Variants in SLCO1B1 observed in about 807,000 individuals in gnomAD.
SLCO1B1 encodes the protein OATP-2.
In SLCO1B1, 81 loss-of-function variants were observed where a neutral mutation model predicts 70.1. The observed-to-expected ratio is 1.16, with a 90% CI of 0.97 to 1.39. The LOEUF (loss-of-function observed/expected upper bound fraction) is 1.39, where lower values mean the gene tolerates loss of function less well. Ranked by LOEUF, SLCO1B1 falls within the 40% of genes most tolerant of loss-of-function variation. The pLI, the probability that SLCO1B1 is intolerant of heterozygous loss-of-function variation, is 0.00. For missense variants in SLCO1B1, 895 were observed against 799.6 expected (o/e 1.12, Z -1.44); for synonymous variants, 283 against 271.5 (o/e 1.04, Z -0.42).
At chr12:21,180,793 C>T (rs577393594) in intron 7 of SLCO1B1, among the ~76,000 whole-genome samples, 6 of 152,188 alleles carry the variant, frequency 3.9e-5, no homozygotes, top group Admixed American at 6.5e-5. Flanking sequence ...TGCTTTATCA[C>T]GAAGAGTACA....
chr12:21,229,883 C>T (rs1490072590), intron 14 of SLCO1B1, among the ~76,000 whole-genome samples: 4 of 152,040 alleles, frequency 2.6e-5, no homozygotes, highest in Admixed American at 6.6e-5. Context: ...ACATTAATTA[C>T]GACTCCCAGT....
intron 7 of SLCO1B1, among the ~76,000 whole-genome samples, chr12:21,191,981 G>A (rs939291246): frequency 2.0e-5 from 3 of 151,936 alleles, no homozygotes; most frequent in Non-Finnish European, 2.9e-5. Flanking sequence ...ATATAGTGTA[G>A]TATCCTTTTT....
intron 14 of SLCO1B1, 135 bp from the exon 15 acceptor site, chr12:21,238,844 A>G (rs1241927072): frequency 6.0e-6 from 3 of 496,406 alleles, no homozygotes; most frequent in Non-Finnish European, 1.1e-5. Flanking sequence ...CCCAATAAAA[A>G]GAATTATTAG....
At position 21,200,681 on chromosome 12, in the gene SLCO1B1, T is replaced by C. The variant is rs780350552; in HGVS notation, c.1135+9T>C. ...GGCTAACATCTTATTGGGTAAGACATATTTTTTACTTGTGTGCTTAATAAG... is the reference window on the plus strand; with the variant it reads ...GGCTAACATCTTATTGGGTAAGACACATTTTTTACTTGTGTGCTTAATAAG... On this transcript the variant is annotated intron_variant, in intron 9 of 14. Coordinates refer to ENST00000256958, the MANE Select transcript of SLCO1B1 (RefSeq NM_006446.5). The C allele has an allele frequency of 6.2e-7, 1 of 1,609,388 alleles. No individual in the cohort carries two copies. The highest frequency in any genetic ancestry group is 8.5e-7 in the Non-Finnish European group (1 of 1,177,054).
intron 10 of SLCO1B1, among the ~76,000 whole-genome samples, chr12:21,204,749 T>G (rs1000345159): frequency 6.6e-6 from 1 of 151,818 alleles, no homozygotes; most frequent in Non-Finnish European, 1.5e-5. Context: ...AAGACCAAGG[T>G]GATGGCACTT....
At chr12:21,150,461 T>C (rs7137806) in intron 2 of SLCO1B1, among the ~76,000 whole-genome samples, 35,338 of 151,850 alleles carry the variant, frequency 0.23, 4,554 homozygotes, top group East Asian at 0.45. Flanking sequence ...TGGCATCTGG[T>C]GGGTGCCCCT....
At chr12:21,201,750 A>G (rs563754549) in intron 9 of SLCO1B1, among the ~76,000 whole-genome samples, 1 of 152,290 alleles carries the variant, frequency 6.6e-6, no homozygotes, top group African/African-American at 2.4e-5. Context: ...ATCTGCTCCA[A>G]CAAATATCCT....
chr12:21,239,238 A>C lies in SLCO1B1; in HGVS notation c.*49A>C, dbSNP rs1028210846. ...CTTCTGTGTTTCCAAACAGCATTGCATTGATTCAGTAAGATGTTATTTTTG... is the reference window on the plus strand; with the variant it reads ...CTTCTGTGTTTCCAAACAGCATTGCCTTGATTCAGTAAGATGTTATTTTTG... On this transcript the variant is annotated 3_prime_UTR_variant, in exon 15 of 15. Coordinates refer to ENST00000256958, the MANE Select transcript of SLCO1B1 (RefSeq NM_006446.5). The C allele has an allele frequency of 4.8e-6, 6 of 1,252,212 alleles. No homozygotes were observed. The highest frequency in any genetic ancestry group is 7.0e-6 in the Non-Finnish European group (6 of 851,164). The allele number at this position is 1,252,212 out of a possible 1,614,324, so 77.6% of individuals were successfully genotyped here. A position where few individuals can be genotyped will look rare whatever the true frequency, so the allele number is the denominator to read the frequency against.
intron 11 of SLCO1B1, 143 bp downstream of exon 11, chr12:21,206,176 G>C: frequency 1.4e-6 from 1 of 693,312 alleles, no homozygotes; most frequent in Non-Finnish European, 2.4e-6. Flanking sequence ...ATTGTGATGG[G>C]TGTGATGTAT....
intron 12 of SLCO1B1, among the ~76,000 whole-genome samples, chr12:21,221,577 A>T (rs1437216072): frequency 6.6e-6 from 1 of 152,146 alleles, no homozygotes; most frequent in Non-Finnish European, 1.5e-5. Context: ...ATCAAGAAAA[A>T]AATTATTAAA....
chr12:21,169,301 A>T (rs10841754), intron 2 of SLCO1B1, among the ~76,000 whole-genome samples: 80,404 of 151,936 alleles, frequency 0.53, 23,096 homozygotes, highest in African/African-American at 0.75. Flanking sequence ...ATTTAAAAAA[A>T]TGGGGTCCAT....
intron 3 of SLCO1B1, among the ~76,000 whole-genome samples, chr12:21,172,999 A>G (rs1216069033): frequency 6.6e-6 from 1 of 152,218 alleles, no homozygotes; most frequent in Non-Finnish European, 1.5e-5. Flanking sequence ...GGGTACTGCT[A>G]AATATTCTAT....
At chr12:21,144,837 A>T (rs2121046567) in intron 2 of SLCO1B1, among the ~76,000 whole-genome samples, 1 of 152,278 alleles carries the variant, frequency 6.6e-6, no homozygotes, top group African/African-American at 2.4e-5. Context: ...TAAAGAAAAA[A>T]TATTATTTTC....
At chr12:21,204,037 A>G (rs1425812544) in intron 10 of SLCO1B1, among the ~76,000 whole-genome samples, 1 of 152,022 alleles carries the variant, frequency 6.6e-6, no homozygotes, top group Admixed American at 6.6e-5. Context: ...AATATTAAGG[A>G]TATTTGTAGG....
chr12:21,178,936 A>G lies in SLCO1B1; in HGVS notation c.643A>G (p.Ile215Val). ...AATATTTTCAGGTATATTGAATGCA[A>G]TAGCAATGATTGGTCCAATCATTGG... Reference protein sequence around the residue: ...SSLYLGILNAIAMIGPIIGFT... With the variant: ...SSLYLGILNAVAMIGPIIGFT... The change falls in exon 7 of 15, where the codon ATA becomes GTA. Residue 215 changes from isoleucine (I) to valine (V), a missense_variant. Ile to Val is a conservative substitution (Grantham distance 29). Transcript: ENST00000256958. 14 of 1,609,890 alleles carry G rather than the reference A, an allele frequency of 8.7e-6. No homozygotes were observed. The highest frequency in any genetic ancestry group is 1.3e-5 in the African/African-American group (1 of 74,962).
intron 5 of SLCO1B1, 30 bp downstream of exon 5, chr12:21,176,927 T>C (rs776362851): frequency 1.3e-6 from 2 of 1,481,810 alleles, no homozygotes; most frequent in East Asian, 4.5e-5. Flanking sequence ...GTAAAAAGTC[T>C]TCTAAAATGT....
At chr12:21,226,381 T>G (rs1941482479) in intron 14 of SLCO1B1, among the ~76,000 whole-genome samples, 1 of 151,398 alleles carries the variant, frequency 6.6e-6, no homozygotes, top group African/African-American at 2.4e-5. Flanking sequence ...GGCACTGCTC[T>G]CCGGCCTGGC....
intron 2 of SLCO1B1, among the ~76,000 whole-genome samples, chr12:21,161,897 A>G (rs929817711): frequency 4.6e-5 from 7 of 152,072 alleles, no homozygotes; most frequent in Non-Finnish European, 1.5e-5. Context: ...AGTCCTAGCT[A>G]TTCAGGAGGC....
In SLCO1B1 at chr12:21,233,578, A is replaced by C. The variant is rs201877605; in HGVS notation, c.1866-5401A>C. Among the ~76,000 whole-genome samples, 20 of 148,312 alleles carry C rather than the reference A, an allele frequency of 1.3e-4. No individual in the cohort carries two copies. In the Admixed American group the frequency reaches 1.3e-3, roughly 10 times the overall value. On this transcript the variant is annotated intron_variant, in intron 14 of 14. Coordinates refer to ENST00000256958, the MANE Select transcript of SLCO1B1 (RefSeq NM_006446.5). Reference sequence around the variant, plus strand: ...AAAAAAAAAACAAACAAACAAAAAAAAAAAAACAAGAGCCCCAAAGGAGCC... The same window carrying C: ...AAAAAAAAAACAAACAAACAAAAAACAAAAAACAAGAGCCCCAAAGGAGCC...
Sources: allele counts gnomAD v4.1 joint callset (sites outside exome capture counted in the v4.1 genomes callset), GRCh38; gene constraint gnomAD v4.1.1; transcripts MANE v1.5; gene names NCBI Gene and HGNC (gene_info 2026-07-23, HGNC 2026-07-21).